The following ZNF316 variants were observed in gnomAD, a reference collection of about 807,000 sequenced individuals.
ZNF316 encodes the protein zinc finger protein 316.
A neutral mutation model predicts 75.6 loss-of-function variants in ZNF316; 23 were observed. The observed-to-expected ratio is 0.30, with a 90% confidence interval of 0.22 to 0.43. The LOEUF (loss-of-function observed/expected upper bound fraction) is 0.43, where lower values mean the gene tolerates loss of function less well. ZNF316 is among the 20% of genes least tolerant of loss of function. The pLI is 1.00. For missense variants in ZNF316, 1,266 were observed against 1,409.4 expected (o/e 0.90, Z 1.63); for synonymous variants, 827 against 666.2 (o/e 1.24, Z -3.72).
chr7:6,644,324 G>A (rs1226511703), intron 7 of ZNF316, among the ~76,000 whole-genome samples, 156 bp from the exon 8 acceptor site: 5 of 152,054 alleles, frequency 3.3e-5, no homozygotes, highest in African/African-American at 2.4e-5. Context: ...AGGTTCAGAG[G>A]GAAGGGACCG....
intron 8 of ZNF316, among the ~76,000 whole-genome samples, chr7:6,650,270 T>C (rs1409462686): frequency 6.6e-6 from 1 of 152,202 alleles, no homozygotes; most frequent in Non-Finnish European, 1.5e-5. Flanking sequence ...GGGTGGCCAC[T>C]GATGGGGACG....
At chr7:6,643,988 G>T in intron 7 of ZNF316, 40 bp downstream of exon 7, 1 of 1,231,722 alleles carries the variant, frequency 8.1e-7, no homozygotes, top group Non-Finnish European at 1.0e-6. Context: ...GCAGCCTGGT[G>T]TGATGGCTGC....
rs1779354465 is a variant in ZNF316 at position 6,643,929 on chromosome 7, T to C, written c.573T>C (p.Tyr191=). Residue 191 remains tyrosine, a synonymous_variant, in exon 7 of 9, where the codon TAT becomes TAC. Coordinates refer to ENST00000382252, the MANE Select transcript of ZNF316 (RefSeq NM_001278559.2). ...GLYQEVMQEN[Y]GILVSLGYPI... is the part of the protein sequence containing the mutation. The stretch of plus-strand genomic sequence containing the variant: ...ACCAGGAAGTCATGCAGGAGAACTA[T>C]GGGATTCTCGTGTCCTTGGGTAAGG... The C allele has an allele frequency of 8.1e-7, 1 of 1,233,114 alleles. No individual in the cohort carries two copies. The highest frequency in any genetic ancestry group is 1.6e-5 in the African/African-American group (1 of 64,428). The allele number at this position is 1,233,114 out of a possible 1,614,324, so 76.4% of individuals were successfully genotyped here.
chr7:6,654,464 C>G lies in ZNF316; in HGVS notation c.2868C>G (p.Pro956=), dbSNP rs1023435203. ...CGGCCCCAGCCCCCGCGCCCAAGCC[C>G]GAGGCGGCCGCCAAGGGGCCGTCCA... ...SGSAPAPAPK[P]EAAAKGPSSA... Residue 956 remains proline (P), a synonymous_variant, in exon 9 of 9, where the codon CCC becomes CCG. Transcript: ENST00000382252. 1.7e-6 allele frequency: 2 copies of G among 1,192,936 alleles called. No individual in the cohort carries two copies. The highest frequency in any genetic ancestry group is 2.1e-6 in the Non-Finnish European group (2 of 963,226). 73.9% of individuals were successfully genotyped at this position (1,192,936 alleles called of 1,614,324 possible).
chr7:6,638,891 C>T (rs563786578), intron 2 of ZNF316, among the ~76,000 whole-genome samples, 151 bp from the exon 3 acceptor site: 1 of 152,186 alleles, frequency 6.6e-6, no homozygotes, highest in Non-Finnish European at 1.5e-5. Context: ...AAGAAGAGGG[C>T]AAGAGTGCAG....
chr7:6,651,508 A>T (rs1395575622), intron 8 of ZNF316, among the ~76,000 whole-genome samples: 1 of 152,034 alleles, frequency 6.6e-6, no homozygotes, highest in Non-Finnish European at 1.5e-5. Context: ...TACAAAAATT[A>T]GCCAGCTGCG....
In ZNF316 at chr7:6,646,943, A is replaced by G. The variant is rs1779415432; in HGVS notation, c.706+2350A>G. On this transcript the variant is annotated intron_variant, in intron 8 of 8. Transcript: ENST00000382252. The stretch of plus-strand genomic sequence containing the variant: ...ACCCACCCCTCCTGAGGGCTGCTGA[A>G]GCCCCCACCTGCCCTTCAGCCATGC... 2.0e-5 allele frequency among the ~76,000 whole-genome samples: 3 copies of G among 152,104 alleles called. No individual in the cohort carries two copies. The South Asian group carries it at 6.2e-4, about 32-fold the overall frequency.
chr7:6,654,796 G>T lies in ZNF316; in HGVS notation c.*185G>T, dbSNP rs1272614397. 9.2e-6 allele frequency: 4 copies of T among 435,068 alleles called. No individual in the cohort carries two copies. The highest frequency in any genetic ancestry group is 1.4e-5 in the Non-Finnish European group (4 of 287,368). The allele number at this position is 435,068 out of a possible 1,614,324, so 27.0% of individuals were successfully genotyped here. A position where few individuals can be genotyped will look rare whatever the true frequency, so the allele number is the denominator to read the frequency against. ...CGGGTCCGTGTGCTCAGCCGGAGAC[G>T]TGGGGGAGCTCTGGGGAGAAGAGCA... On this transcript the variant is annotated 3_prime_UTR_variant, in exon 9 of 9. Transcript: ENST00000382252.
chr7:6,643,532 T>C (rs1395728904), intron 6 of ZNF316, among the ~76,000 whole-genome samples: 1 of 152,208 alleles, frequency 6.6e-6, no homozygotes, highest in Non-Finnish European at 1.5e-5. Flanking sequence ...TGAGCCAGAC[T>C]GCATGAAGAG....
chr7:6,641,161 G>T (rs1218800296), intron 3 of ZNF316, among the ~76,000 whole-genome samples: 5 of 152,208 alleles, frequency 3.3e-5, no homozygotes, highest in Admixed American at 3.3e-4. Flanking sequence ...AGGCCACTCA[G>T]TCTTGTTTTA....
Position 6,644,513 on chromosome 7 carries a change from G to A in ZNF316, c.626G>A (p.Arg209Gln). Residue 209 changes from arginine to glutamine, a missense_variant, in exon 8 of 9, where the codon CGG becomes CAG. By Grantham distance (43) the Arg-to-Gln change is conservative. Coordinates refer to ENST00000382252, the MANE Select transcript of ZNF316 (RefSeq NM_001278559.2). ...YPIPKPDLIFRLEQGEEPWVP... is the reference protein window; with the variant it reads ...YPIPKPDLIFQLEQGEEPWVP... ...ATTCCCAAGCCCGATCTGATCTTCC[G>A]GCTGGAACAAGGGGAAGAACCTTGG... The A allele has an allele frequency of 6.5e-6, 8 of 1,232,282 alleles. No individual in the cohort carries two copies. The highest frequency in any genetic ancestry group is 3.2e-5 in the East Asian group (1 of 31,702). 76.3% of individuals were successfully genotyped at this position (1,232,282 alleles called of 1,614,324 possible).
intron 8 of ZNF316, among the ~76,000 whole-genome samples, 159 bp from the exon 9 acceptor site, chr7:6,652,144 G>C: frequency 6.6e-6 from 1 of 152,156 alleles, no homozygotes; most frequent in East Asian, 1.9e-4. Context: ...GTGGGACATG[G>C]GCAACCGCTC....
chr7:6,638,722 G>T (rs544205351), intron 2 of ZNF316, among the ~76,000 whole-genome samples: 1 of 152,292 alleles, frequency 6.6e-6, no homozygotes. Flanking sequence ...ATCACCTGAG[G>T]TGGGGAGTTT....
In ZNF316 at chr7:6,654,553, C is replaced by G. The variant is rs1261924999; in HGVS notation, c.2957C>G (p.Ser986Cys). Residue 986 changes from serine to cysteine, a missense_variant, in exon 9 of 9, where the codon TCC becomes TGC. This residue lies in a region of ZNF316 where 111 missense variants were observed against 99.2 expected (regional missense o/e 1.12). Coordinates refer to ENST00000382252, the MANE Select transcript of ZNF316 (RefSeq NM_001278559.2). ...TTCGCGGGCGGCACAAGCTTCGGCTCCGAGCACCAGGCCGCGTTCGCCGGG... is the reference window on the plus strand; with the variant it reads ...TTCGCGGGCGGCACAAGCTTCGGCTGCGAGCACCAGGCCGCGTTCGCCGGG... ...LEFAGGTSFG[S>C]EHQAAFAGPS... 34 of 1,186,342 alleles carry G rather than the reference C, an allele frequency of 2.9e-5. No individual in the cohort carries two copies. Among genetic ancestry groups the G allele is most frequent in the South Asian group, 4.2e-5 (1 of 23,970 alleles). 73.5% of individuals were successfully genotyped at this position (1,186,342 alleles called of 1,614,324 possible). A position where few individuals can be genotyped will look rare whatever the true frequency, so the allele number is the denominator to read the frequency against.
chr7:6,655,841 A>G lies in ZNF316; in HGVS notation c.*1230A>G, dbSNP rs1440284406. 3 of 152,280 alleles carry G rather than the reference A, an allele frequency of 2.0e-5. No homozygotes were observed. The highest frequency in any genetic ancestry group is 4.4e-5 in the Non-Finnish European group (3 of 68,112). 9.4% of individuals were successfully genotyped at this position (152,280 alleles called of 1,614,324 possible). ...GACAAACCAGGCACCCAACTATGCA[A>G]GGCCCCTGCCTGGTGGGCATCCTAC... On this transcript the variant is annotated 3_prime_UTR_variant, in exon 9 of 9. Transcript: ENST00000382252.
intron 3 of ZNF316, among the ~76,000 whole-genome samples, chr7:6,641,533 G>A (rs1382341285): frequency 6.6e-6 from 1 of 152,234 alleles, no homozygotes; most frequent in Admixed American, 6.5e-5. Flanking sequence ...TGTGTCCATG[G>A]CCCTGGACCC....
chr7:6,644,978 A>G (rs1779373729), intron 8 of ZNF316, among the ~76,000 whole-genome samples: 1 of 152,090 alleles, frequency 6.6e-6, no homozygotes, highest in South Asian at 2.1e-4. Flanking sequence ...CCACTTGGCC[A>G]TGTCTGGGAA....
intron 8 of ZNF316, among the ~76,000 whole-genome samples, chr7:6,646,337 A>T (rs956250789): frequency 1.3e-5 from 2 of 152,192 alleles, no homozygotes; most frequent in African/African-American, 4.8e-5. Flanking sequence ...TGGGATGTGG[A>T]TGACGCTCTC....
In ZNF316 at chr7:6,657,289, C is replaced by T. The variant is rs1035747920; in HGVS notation, c.*2678C>T. On this transcript the variant is annotated 3_prime_UTR_variant, in exon 9 of 9. Transcript: ENST00000382252. Reference sequence around the variant, plus strand: ...GATTGCAGGTGTGAGTCACCGCGCCCGGCCAGAGCAACCTAATATTTCAAA... The same window carrying T: ...GATTGCAGGTGTGAGTCACCGCGCCTGGCCAGAGCAACCTAATATTTCAAA... 1.4e-5 allele frequency among the ~76,000 whole-genome samples: 2 copies of T among 143,024 alleles called. No homozygotes were observed. Among genetic ancestry groups the T allele is most frequent in the African/African-American group, 2.6e-5 (1 of 38,272 alleles). 93.8% of individuals were successfully genotyped at this position (143,024 alleles called of 152,430 possible).
Sources: gnomAD v4.1 joint callset for allele counts (sites outside exome capture counted in the v4.1 genomes callset) on GRCh38, gnomAD v4.1.1 for gene constraint, gnomAD v4.1.1 regional missense constraint, MANE v1.5 for transcripts, NCBI Gene and HGNC (gene_info 2026-07-23, HGNC 2026-07-21) for gene names.